The following PKD1 variants were observed in gnomAD, a reference collection of about 807,000 sequenced individuals.
PKD1 encodes the protein polycystin 1, transient receptor potential channel interacting, also known as polycystin-1.
A neutral mutation model predicts 361.7 loss-of-function variants in PKD1; 81 were observed. The ratio of observed to expected loss-of-function variants is 0.22; its 90% CI spans 0.19 to 0.27. The LOEUF (loss-of-function observed/expected upper bound fraction) is 0.27, where lower values mean the gene tolerates loss of function less well. Among genes scored for constraint, PKD1 ranks in the 10% least tolerant of loss-of-function variants. The pLI is 1.00. For missense variants in PKD1, 6,399 were observed against 6,118.3 expected (o/e 1.05, Z -1.53); for synonymous variants, 3,615 against 2,818.3 (o/e 1.28, Z -8.95).
rs781066034 is a variant in PKD1 at position 2,111,894 on chromosome 16, G to T, written c.3296-23C>A. 3.1e-6 allele frequency: 5 copies of T among 1,608,836 alleles called. No homozygotes were observed. The Admixed American group carries it at 8.3e-5, about 27-fold the overall frequency. On this transcript the variant is annotated intron_variant, in intron 14 of 45. Transcript: ENST00000262304. ...CACCTGTGGGGACAGGCCCGAGTGG[G>T]GCAGCCGCGGCACCCCCACCTGCTC... is the stretch of plus-strand genomic sequence containing the variant.
intron 1 of PKD1, among the ~76,000 whole-genome samples, chr16:2,129,541 ATTTTTTTTTTTTTT>A (rs71148122): frequency 2.8e-5 from 2 of 72,098 alleles, no homozygotes; most frequent in Non-Finnish European, 5.0e-5. Flanking sequence ...AGATCCTGTG[ATTTTTTTTTTTTTT>A]TTTTTTTTTT....
rs1567137725 is a variant in PKD1 at position 2,088,863 on chromosome 16, ACTCGCGCGTGCGCGCG to A, written c.*848_*863del. 8 of 542,238 alleles carry A rather than the reference ACTCGCGCGTGCGCGCG, an allele frequency of 1.5e-5. No individual in the cohort carries two copies. The highest frequency in any genetic ancestry group is 4.5e-5 in the African/African-American group (2 of 44,080). The allele number at this position is 542,238 out of a possible 1,614,324, so 33.6% of individuals were successfully genotyped here. A position where few individuals can be genotyped will look rare whatever the true frequency, so the allele number is the denominator to read the frequency against. ...TGAGGCTGCCTGGGCCATACAGCAC[ACTCGCGCGTGCGCGCG>A]CGCACACACACACACACACAGTCAC... is the stretch of plus-strand genomic sequence containing the variant. On this transcript the variant is annotated 3_prime_UTR_variant, in exon 46 of 46. Transcript: ENST00000262304.
chr16:2,129,294 G>C (rs896049313), intron 1 of PKD1, among the ~76,000 whole-genome samples: 2 of 150,774 alleles, frequency 1.3e-5, no homozygotes, highest in Admixed American at 1.3e-4. Flanking sequence ...CAACTAGCTG[G>C]GACTACAGGC....
chr16:2,122,926 G>A (rs2092744737), intron 1 of PKD1, among the ~76,000 whole-genome samples: 1 of 152,196 alleles, frequency 6.6e-6, no homozygotes, highest in South Asian at 2.1e-4. Context: ...GGCCACGGGA[G>A]AAAGGAAAGA....
chr16:2,090,289 T>C lies in PKD1; in HGVS notation c.12440A>G (p.Lys4147Arg). 1.2e-6 allele frequency: 2 copies of C among 1,609,936 alleles called. No individual in the cohort carries two copies. Among genetic ancestry groups the C allele is most frequent in the Non-Finnish European group, 1.7e-6 (2 of 1,178,162 alleles). ...CCCCCACTGGGCCGTACCCACCTCCTTGACCTTGCTGAGGCCCATCCAGAG... is the reference window on the plus strand; with the variant it reads ...CCCCCACTGGGCCGTACCCACCTCCCTGACCTTGCTGAGGCCCATCCAGAG... ...LRLWMGLSKVKEFRHKVRFEG... is the reference protein window; with the variant it reads ...LRLWMGLSKVREFRHKVRFEG... Residue 4147 changes from lysine to arginine, a missense_variant, in exon 45 of 46, where the codon AAG becomes AGG. Physicochemically the swap from Lys to Arg is conservative, Grantham distance 26. Coordinates refer to ENST00000262304, the MANE Select transcript of PKD1 (RefSeq NM_001009944.3).
rs771638566 is a variant in PKD1 at position 2,108,578 on chromosome 16, G to T, written c.6589C>A (p.Arg2197=). ...WEVYRTASCQ[R]PGRPARVALP... ...GCCACACGCGCTGGGCGCCCCGGCC[G>T]CTGGCAGCTGGCGGTGCGATACACC... The change falls in exon 15 of 46, where the codon CGG becomes AGG. Residue 2197 remains arginine, a synonymous_variant. Coordinates refer to ENST00000262304, the MANE Select transcript of PKD1 (RefSeq NM_001009944.3). The T allele has an allele frequency of 6.4e-6, 10 of 1,559,354 alleles. No homozygotes were observed. The African/African-American group carries it at 1.2e-4, about 19-fold the overall frequency.
Position 2,103,646 on chromosome 16 carries a change from C to T in PKD1, c.8411G>A (p.Cys2804Tyr), listed in dbSNP as rs1555451184. The T allele has an allele frequency of 6.2e-7, 1 of 1,610,352 alleles. No individual in the cohort carries two copies. Among genetic ancestry groups the T allele is most frequent in the Non-Finnish European group, 8.5e-7 (1 of 1,179,662 alleles). Residue 2804 changes from cysteine (C) to tyrosine (Y), a missense_variant, in exon 23 of 46, where the codon TGC becomes TAC. Cys to Tyr is a radical substitution (Grantham distance 194). Transcript: ENST00000262304. ...LCYGGAPGPGCHFSIPEAFSG... is the reference protein window; with the variant it reads ...LCYGGAPGPGYHFSIPEAFSG... ...GAAAGCCTCGGGGATGGAGAAGTGG[C>T]AGCCAGGCCCTGGGGCGCCGCCATA...
chr16:2,107,950 C>T lies in PKD1; in HGVS notation c.6998G>A (p.Gly2333Asp), dbSNP rs760102928. 3.4e-5 allele frequency: 52 copies of T among 1,546,552 alleles called. 1 individual carries two copies. The South Asian group carries it at 6.0e-4, about 18-fold the overall frequency. Residue 2333 changes from glycine to aspartate, a missense_variant, in exon 16 of 46, where the codon GGC (glycine) becomes GAC (aspartate). By Grantham distance (94) the Gly-to-Asp change is moderately conservative. Transcript: ENST00000262304. ...VTIPRERLAA[G>D]VEYTFSLTVW... ...GGTCAGGCTGAAGGTGTACTCCACG[C>T]CAGCCGCCAGCCGCTCCCGTGGAAT...
Position 2,091,768 on chromosome 16 carries a change from A to C in PKD1, c.11537+13T>G. 1 of 1,609,566 alleles carries C rather than the reference A, an allele frequency of 6.2e-7. No homozygotes were observed. The highest frequency in any genetic ancestry group is 8.5e-7 in the Non-Finnish European group (1 of 1,179,234). On this transcript the variant is annotated intron_variant, in intron 41 of 45. Coordinates refer to ENST00000262304, the MANE Select transcript of PKD1 (RefSeq NM_001009944.3). Reference sequence around the variant, plus strand: ...GCGGCCACCCCGGAGAGGGCAGGGGAGGGAGCTCCCACCTGTTGTCCAGCC... The same window carrying C: ...GCGGCCACCCCGGAGAGGGCAGGGGCGGGAGCTCCCACCTGTTGTCCAGCC...
intron 1 of PKD1, among the ~76,000 whole-genome samples, chr16:2,120,687 G>A (rs907182893): frequency 6.6e-6 from 1 of 152,100 alleles, no homozygotes; most frequent in Non-Finnish European, 1.5e-5. Context: ...GGGCGACAGA[G>A]CAAGACCCGG....
At position 2,093,872 on chromosome 16, in the gene PKD1, G is replaced by A. The variant is rs753473169; in HGVS notation, c.10760C>T (p.Ala3587Val). The A allele has an allele frequency of 3.7e-5, 58 of 1,572,280 alleles. No individual in the cohort carries two copies. Among genetic ancestry groups the A allele is most frequent in the Admixed American group, 5.3e-5 (3 of 56,078 alleles). ...GCTGGCGCTGCTGGACAGGAGCCAC[G>A]CAACACTCACGCCCGGGGGGAAGCT... Reference protein sequence around the residue: ...GASFPPGVSVAWLLSSSASFL... With the variant: ...GASFPPGVSVVWLLSSSASFL... The change falls in exon 36 of 46, where the codon GCG becomes GTG. Residue 3587 changes from alanine (A) to valine (V), a missense_variant. Coordinates refer to ENST00000262304, the MANE Select transcript of PKD1 (RefSeq NM_001009944.3).
At chr16:2,123,063 C>T (rs534396446) in intron 1 of PKD1, among the ~76,000 whole-genome samples, 26 of 152,326 alleles carry the variant, frequency 1.7e-4, no homozygotes, top group Admixed American at 1.3e-4. Flanking sequence ...CAGAGCCCCC[C>T]GGCTCCCCGC....
chr16:2,091,640 G>A, intron 41 of PKD1, 43 bp from the exon 42 acceptor site: 5 of 1,556,234 alleles, frequency 3.2e-6, no homozygotes, highest in East Asian at 2.3e-5. Flanking sequence ...TGGCAGGGCG[G>A]GAGCTGCGGG....
At chr16:2,103,126 C>G (rs905418847) in intron 23 of PKD1, 140 bp downstream of exon 23, 1 of 1,297,178 alleles carries the variant, frequency 7.7e-7, no homozygotes, top group Non-Finnish European at 1.1e-6. Flanking sequence ...TGGCCCCCAG[C>G]TCCTCTCTGG....
rs4787158 is a variant in PKD1, at chr16:2,116,671, G to A, written c.1607-27C>T. ...TGGGGTGGCGAGTGCACAGTGAGGC[G>A]CCGGGCCAGGGCCCAGGACACCAGG... is the stretch of plus-strand genomic sequence containing the variant. On this transcript the variant is annotated intron_variant, in intron 7 of 45. Transcript: ENST00000262304. 0.037 allele frequency: 49,272 copies of A among 1,341,988 alleles called. 1,570 individuals carry two copies. Among genetic ancestry groups the A allele is most frequent in the South Asian group, 0.12 (9,534 of 80,224 alleles). 83.1% of individuals were successfully genotyped at this position (1,341,988 alleles called of 1,614,324 possible).
In PKD1 at chr16:2,091,797, T is replaced by G; in HGVS notation, c.11521A>C (p.Asn3841His). 1 of 1,611,008 alleles carries G rather than the reference T, an allele frequency of 6.2e-7. No individual in the cohort carries two copies. The highest frequency in any genetic ancestry group is 8.5e-7 in the Non-Finnish European group (1 of 1,179,492). Reference sequence around the variant, plus strand: ...AGCTCCCACCTGTTGTCCAGCCAGTTGTGCAGCTGCAGGAAGCGCAGCCGG... The same window carrying G: ...AGCTCCCACCTGTTGTCCAGCCAGTGGTGCAGCTGCAGGAAGCGCAGCCGG... ...RDRLRFLQLH[N>H]WLDNRSRAVF... Residue 3841 changes from asparagine (N) to histidine (H), a missense_variant, in exon 41 of 46, where the codon AAC becomes CAC. Transcript: ENST00000262304.
At chr16:2,092,016 C>T (rs760310609) in intron 40 of PKD1, 31 bp downstream of exon 40, 3 of 1,612,432 alleles carry the variant, frequency 1.9e-6, no homozygotes, top group Non-Finnish European at 2.5e-6. Flanking sequence ...TTGTCCTTGG[C>T]GTAGACGCCC....
At chr16:2,111,979 G>T (rs923899209) in intron 14 of PKD1, 108 bp from the exon 15 acceptor site, 2 of 1,211,112 alleles carry the variant, frequency 1.7e-6, no homozygotes, top group Non-Finnish European at 2.4e-6. Context: ...CTGCACCTGC[G>T]GCCCAGCCTT....
In PKD1 at chr16:2,105,397, C is replaced by T. The variant is rs573381520; in HGVS notation, c.7941G>A (p.Thr2647=). ...GGACCCTCAGGGACACCAGAGTCTCCGTGATGTTCTTGCGTATCTGGGCTC... is the reference window on the plus strand; with the variant it reads ...GGACCCTCAGGGACACCAGAGTCTCTGTGATGTTCTTGCGTATCTGGGCTC... The part of the protein sequence containing the change: ...QHRAQIRKNI[T]ETLVSLRVHT... The change falls in exon 21 of 46, where the codon ACG becomes ACA. Residue 2647 remains threonine, a synonymous_variant. Coordinates refer to ENST00000262304, the MANE Select transcript of PKD1 (RefSeq NM_001009944.3). The T allele has an allele frequency of 1.6e-5, 25 of 1,585,926 alleles. No homozygotes were observed. The highest frequency in any genetic ancestry group is 3.3e-5 in the Admixed American group (2 of 59,972).
Sources: allele counts gnomAD v4.1 joint callset (sites outside exome capture counted in the v4.1 genomes callset), GRCh38; gene constraint gnomAD v4.1.1; transcripts MANE v1.5; gene names NCBI Gene and HGNC (gene_info 2026-07-23, HGNC 2026-07-21).